Variants in RELN observed in about 807,000 individuals in gnomAD.
RELN encodes reelin.
Under a neutral mutation model 427.6 loss-of-function variants are expected in RELN, and 108 were observed. The observed-to-expected ratio is 0.25, with a 90% CI of 0.22 to 0.30. RELN has a LOEUF of 0.30. RELN is among the 10% of genes least tolerant of loss of function. RELN has a pLI of 1.00. For missense variants in RELN, 3,715 were observed against 4,302.8 expected (o/e 0.86, Z 3.82); for synonymous variants, 1,524 against 1,513.4 (o/e 1.01, Z -0.16).
At chr7:103,670,103 T>C (rs576594396) in intron 11 of RELN, among the ~76,000 whole-genome samples, 19 of 152,264 alleles carry the variant, frequency 1.2e-4, no homozygotes, top group African/African-American at 4.1e-4. Context: ...TAAAGAGGTG[T>C]CTTAGCTGGA....
At chr7:103,774,584 AAATAT>A (rs1166959920) in intron 4 of RELN, among the ~76,000 whole-genome samples, 1 of 152,190 alleles carries the variant, frequency 6.6e-6, no homozygotes, top group Non-Finnish European at 1.5e-5. Flanking sequence ...TTCCTCTAAT[AAATAT>A]ATTAGATATT....
At chr7:103,645,897 C>T (rs563382153) in intron 16 of RELN, among the ~76,000 whole-genome samples, 224 of 151,872 alleles carry the variant, frequency 1.5e-3, no homozygotes, top group Non-Finnish European at 2.7e-3. Flanking sequence ...ACACAAGTCT[C>T]AATAAATTTT....
rs1174257090 is a variant in RELN, at chr7:103,611,789, G to T, written c.2717C>A (p.Ser906Tyr). ...HDWTLCFTGD[S>Y]KLASSMRYVE... The stretch of plus-strand genomic sequence containing the variant: ...ATAGCGCATACTTGAGGCAAGTTTA[G>T]AATCTCCTGTAAAACTGAAAGAGAC... Residue 906 changes from serine (S) to tyrosine (Y), a missense_variant, in exon 21 of 65, where the codon TCT becomes TAT. Coordinates refer to ENST00000428762, the MANE Select transcript of RELN (RefSeq NM_005045.4). The T allele has an allele frequency of 6.2e-7, 1 of 1,613,296 alleles. No individual in the cohort carries two copies. Among genetic ancestry groups the T allele is most frequent in the Non-Finnish European group, 8.5e-7 (1 of 1,179,492 alleles).
intron 24 of RELN, among the ~76,000 whole-genome samples, chr7:103,600,534 G>C (rs1831641331): frequency 6.6e-6 from 1 of 152,178 alleles, no homozygotes; most frequent in African/African-American, 2.4e-5. Context: ...CAAGGGGAAA[G>C]TTCTGTGAGC....
chr7:103,614,819 C>T (rs1456308055), intron 20 of RELN, among the ~76,000 whole-genome samples: 1 of 152,140 alleles, frequency 6.6e-6, no homozygotes, highest in Non-Finnish European at 1.5e-5. Context: ...TAATCTGAAG[C>T]AAAATAACAC....
At chr7:103,521,861 A>C (rs1829715032) in intron 48 of RELN, among the ~76,000 whole-genome samples, 161 bp downstream of exon 48, 1 of 152,244 alleles carries the variant, frequency 6.6e-6, no homozygotes, top group Non-Finnish European at 1.5e-5. Context: ...TTATCTTTAT[A>C]GCATAAAGAT....
chr7:103,611,563 A>G, intron 21 of RELN, 48 bp downstream of exon 21: 2 of 1,463,772 alleles, frequency 1.4e-6, no homozygotes, highest in Middle Eastern at 1.8e-4. Flanking sequence ...CTTCCTAGGT[A>G]AAAGGCAGAA....
intron 6 of RELN, among the ~76,000 whole-genome samples, chr7:103,748,396 CT>C (rs1790902468): frequency 6.6e-6 from 1 of 152,056 alleles, no homozygotes; most frequent in Non-Finnish European, 1.5e-5. Context: ...TATATGTCAT[CT>C]TCAACTCTTA....
In RELN at chr7:103,616,822, GTT is replaced by G. The variant is rs1460569432; in HGVS notation, c.2703-5021_2703-5020del. On this transcript the variant is annotated intron_variant, in intron 20 of 64. Coordinates refer to ENST00000428762, the MANE Select transcript of RELN (RefSeq NM_005045.4). ...TCAATTATAAAAATTTGGTGAGGTT[GTT>G]TTCACTTTTTACTATTATAAGAAAT... Among the ~76,000 whole-genome samples the G allele has an allele frequency of 2.0e-5, 3 of 151,978 alleles. No homozygotes were observed. In the East Asian group the frequency reaches 5.8e-4, roughly 29 times the overall value.
intron 1 of RELN, among the ~76,000 whole-genome samples, chr7:103,938,831 G>A (rs764656636): frequency 3.9e-5 from 6 of 152,002 alleles, no homozygotes; most frequent in Admixed American, 6.6e-5. Flanking sequence ...GATTTTTCTC[G>A]AAAACAGTTA....
chr7:103,642,766 A>T (rs923376861), intron 16 of RELN, among the ~76,000 whole-genome samples: 8 of 152,110 alleles, frequency 5.3e-5, no homozygotes. Flanking sequence ...GATGATTATC[A>T]AAGTAATAAA....
rs869320767 is a variant in RELN at position 103,553,659 on chromosome 7, C to T, written c.5969+1G>A. On this transcript the variant is annotated splice_donor_variant, in intron 39 of 64. Coordinates refer to ENST00000428762, the MANE Select transcript of RELN (RefSeq NM_005045.4). LOFTEE classifies it high-confidence loss of function. ...TTTATTTTTAGATTCTTAATACTTA[C>T]GGTGCCCCCTTTGAAGAATATGGAC... 1.2e-6 allele frequency: 2 copies of T among 1,613,710 alleles called. No homozygotes were observed. Among genetic ancestry groups the T allele is most frequent in the Non-Finnish European group, 1.7e-6 (2 of 1,179,704 alleles).
intron 3 of RELN, among the ~76,000 whole-genome samples, chr7:103,799,982 A>G (rs530877636): frequency 1.3e-5 from 2 of 152,298 alleles, no homozygotes; most frequent in South Asian, 2.1e-4. Context: ...CTGACGGAAC[A>G]TATCTTAAAT....
At chr7:103,982,627 A>C (rs533289919) in intron 1 of RELN, among the ~76,000 whole-genome samples, 1 of 152,250 alleles carries the variant, frequency 6.6e-6, no homozygotes, top group South Asian at 2.1e-4. Flanking sequence ...AAAGACAAAG[A>C]TAAAATTTAG....
intron 64 of RELN, among the ~76,000 whole-genome samples, chr7:103,474,800 T>C (rs1001851028): frequency 7.4e-6 from 1 of 135,136 alleles, no homozygotes. Flanking sequence ...ACTTTTTTCC[T>C]TTTATGAAAA....
chr7:103,746,992 T>C (rs965055991), intron 6 of RELN, among the ~76,000 whole-genome samples: 11 of 152,114 alleles, frequency 7.2e-5, no homozygotes, highest in Non-Finnish European at 1.5e-5. Flanking sequence ...CTATTCACAA[T>C]AGCAAAGACT....
chr7:103,725,467 C>CTGAGATGGGAGGA (rs1790187902), intron 7 of RELN, among the ~76,000 whole-genome samples: 1 of 151,770 alleles, frequency 6.6e-6, no homozygotes, highest in South Asian at 2.1e-4. Context: ...AGGCAGGAGG[C>CTGAGATGGGAGGA]TGAGGTCATA....
chr7:103,623,141 T>C (rs1306382715), intron 20 of RELN, among the ~76,000 whole-genome samples: 2 of 152,192 alleles, frequency 1.3e-5, no homozygotes, highest in African/African-American at 2.4e-5. Flanking sequence ...TTGAGAATAA[T>C]AGGAAGTGAC....
chr7:103,816,517 A>G lies in RELN; in HGVS notation c.473+17020T>C, dbSNP rs10246894. Among the ~76,000 whole-genome samples, 805 of 146,010 alleles carry G rather than the reference A, an allele frequency of 5.5e-3. 11 individuals carry two copies. Among genetic ancestry groups the G allele is most frequent in the African/African-American group, 0.019 (762 of 39,320 alleles). On this transcript the variant is annotated intron_variant, in intron 3 of 64. Transcript: ENST00000428762. ...AGATTTATAGTGGTTATCCAGAACC[A>G]TCTTTCTCTAGAAACACACACACAC...
Sources: gnomAD v4.1 joint callset for allele counts (sites outside exome capture counted in the v4.1 genomes callset) on GRCh38, gnomAD v4.1.1 for gene constraint, MANE v1.5 for transcripts, NCBI Gene and HGNC (gene_info 2026-07-23, HGNC 2026-07-21) for gene names.